PTPRB: variants seen among roughly 807,000 people sequenced by gnomAD.
PTPRB encodes protein tyrosine phosphatase receptor type B.
A neutral mutation model predicts 238.1 loss-of-function variants in PTPRB; 97 were observed. The ratio of observed to expected loss-of-function variants is 0.41; its 90% CI spans 0.35 to 0.48. PTPRB has a LOEUF of 0.48. Ranked by LOEUF, PTPRB falls within the 20% of genes least tolerant of loss-of-function variation. PTPRB has a pLI of 0.30. For synonymous variants in PTPRB, 970 were observed against 995.4 expected (o/e 0.97, Z 0.48); for missense variants, 2,292 against 2,681.9 (o/e 0.85, Z 3.21).
intron 23 of PTPRB, 96 bp from the exon 24 acceptor site, chr12:70,540,118 A>G: frequency 9.3e-7 from 1 of 1,079,748 alleles, no homozygotes; most frequent in Non-Finnish European, 1.3e-6. Flanking sequence ...TTGTGCAAAT[A>G]TGGATTTTTC....
chr12:70,571,927 G>C lies in PTPRB; in HGVS notation c.3003C>G (p.Asn1001Lys). 6.2e-7 allele frequency: 1 copy of C among 1,613,890 alleles called. No individual in the cohort carries two copies. The highest frequency in any genetic ancestry group is 1.1e-5 in the South Asian group (1 of 91,084). ...GGACTAGCTGAACAAATACACATTCGTTTTCTGACTTGGGAATGCTTTTAG... is the reference window on the plus strand; with the variant it reads ...GGACTAGCTGAACAAATACACATTCCTTTTCTGACTTGGGAATGCTTTTAG... ...IQTKSIPKSE[N>K]ECVFVQLVPG... The change falls in exon 12 of 34, where the codon AAC becomes AAG. Residue 1001 changes from asparagine to lysine, a missense_variant. Asn to Lys is a moderately conservative substitution (Grantham distance 94). Transcript: ENST00000334414.
chr12:70,557,097 A>G (rs1713058927), intron 18 of PTPRB, among the ~76,000 whole-genome samples: 1 of 152,226 alleles, frequency 6.6e-6, no homozygotes, highest in Non-Finnish European at 1.5e-5. Flanking sequence ...AGCAGGAGTT[A>G]GTAAAAGCTG....
At position 70,553,029 on chromosome 12, in the gene PTPRB, G is replaced by GA. The variant is rs1237294460; in HGVS notation, c.5144-10dup. The GA allele has an allele frequency of 6.2e-7, 1 of 1,612,078 alleles. No homozygotes were observed. Among genetic ancestry groups the GA allele is most frequent in the South Asian group, 1.1e-5 (1 of 90,904 alleles). On this transcript the variant is annotated splice_polypyrimidine_tract_variant and intron_variant, in intron 20 of 33. Coordinates refer to ENST00000334414, the MANE Select transcript of PTPRB (RefSeq NM_001109754.4). ...CTTCAGCTCATCACTGCCTGGAGGA[G>GA]AAAACCCACAGTTAAGGACTGCCTT...
chr12:70,525,097 T>G (rs1872232041), intron 32 of PTPRB, among the ~76,000 whole-genome samples: 1 of 152,000 alleles, frequency 6.6e-6, no homozygotes, highest in South Asian at 2.1e-4. Flanking sequence ...CCTATGTAGC[T>G]TACGTAAATT....
chr12:70,622,115 T>C (rs1884966742), intron 3 of PTPRB, among the ~76,000 whole-genome samples: 1 of 152,230 alleles, frequency 6.6e-6, no homozygotes, highest in Admixed American at 6.5e-5. Context: ...TGTAACACCA[T>C]GAACCCTGAC....
At chr12:70,525,819 G>A (rs930689050) in intron 32 of PTPRB, among the ~76,000 whole-genome samples, 12 of 152,234 alleles carry the variant, frequency 7.9e-5, no homozygotes, top group Admixed American at 3.9e-4. Context: ...CCTCCAGCCA[G>A]GCCAGGCTGA....
At chr12:70,605,129 GCTGA>G (rs1225899594) in intron 4 of PTPRB, among the ~76,000 whole-genome samples, 2 of 151,988 alleles carry the variant, frequency 1.3e-5, no homozygotes, top group African/African-American at 4.8e-5. Context: ...ATTTTTCTAG[GCTGA>G]CTAATAAGTA....
At chr12:70,527,580 T>C (rs192145119) in intron 32 of PTPRB, 56 of 152,308 alleles carry the variant, frequency 3.7e-4, no homozygotes, top group African/African-American at 1.3e-3. Flanking sequence ...GCTCCCTTAA[T>C]GTGTCTCTCA....
At chr12:70,532,230 A>T (rs568513042) in intron 31 of PTPRB, 60 bp from the exon 32 acceptor site, 10 of 1,496,010 alleles carry the variant, frequency 6.7e-6, no homozygotes, top group African/African-American at 1.4e-5. Context: ...TCAAGATTGC[A>T]TCTAGAGACT....
intron 23 of PTPRB, 135 bp downstream of exon 23, chr12:70,540,723 T>C: frequency 2.9e-6 from 2 of 688,296 alleles, no homozygotes; most frequent in Non-Finnish European, 4.9e-6. Flanking sequence ...TTGACTTGTT[T>C]TTATTGAGAA....
chr12:70,601,601 C>T (rs755815670), intron 4 of PTPRB, among the ~76,000 whole-genome samples: 1 of 152,024 alleles, frequency 6.6e-6, no homozygotes, highest in Non-Finnish European at 1.5e-5. Flanking sequence ...ATGGAGTAAA[C>T]ATCCACTATT....
At position 70,632,392 on chromosome 12, in the gene PTPRB, C is replaced by T. The variant is rs565826005; in HGVS notation, c.451+3279G>A. 1.4e-4 allele frequency among the ~76,000 whole-genome samples: 21 copies of T among 151,806 alleles called. No individual in the cohort carries two copies. The East Asian group carries it at 3.7e-3, about 27-fold the overall frequency. ...AAATTGAACAACGAGAACACTTGGA[C>T]ACAGGGCAGGAGACATCACACACTG... On this transcript the variant is annotated intron_variant, in intron 2 of 33. Coordinates refer to ENST00000334414, the MANE Select transcript of PTPRB (RefSeq NM_001109754.4).
At chr12:70,535,977 C>T in intron 29 of PTPRB, 48 bp downstream of exon 29, 1 of 1,605,060 alleles carries the variant, frequency 6.2e-7, no homozygotes. Context: ...GAATTCTATC[C>T]AGGTGGCAGA....
intron 4 of PTPRB, among the ~76,000 whole-genome samples, chr12:70,603,278 G>C (rs1262772645): frequency 1.3e-5 from 2 of 152,012 alleles, no homozygotes; most frequent in Non-Finnish European, 2.9e-5. Flanking sequence ...AAATACTGAA[G>C]TCATCACCAA....
intron 8 of PTPRB, among the ~76,000 whole-genome samples, chr12:70,588,965 T>C (rs777263856): frequency 7.2e-5 from 11 of 152,042 alleles, no homozygotes; most frequent in Non-Finnish European, 1.2e-4. Context: ...TCTCAAAATG[T>C]AAAAATAATA....
rs531073148 is a variant in PTPRB at position 70,521,119 on chromosome 12, A to C, written c.*370T>G. The C allele has an allele frequency of 5.7e-6, 1 of 176,248 alleles. No homozygotes were observed. The allele number at this position is 176,248 out of a possible 1,614,324, so 10.9% of individuals were successfully genotyped here. ...GTCCAGTGAATATCAAAACAGGTAG[A>C]AAACATGGCCTGAAGGATTGTCTCT... On this transcript the variant is annotated 3_prime_UTR_variant, in exon 34 of 34. Transcript: ENST00000334414.
intron 15 of PTPRB, among the ~76,000 whole-genome samples, chr12:70,565,782 A>C (rs1018328379): frequency 1.2e-4 from 19 of 152,204 alleles, no homozygotes; most frequent in Non-Finnish European, 2.5e-4. Flanking sequence ...TAACCCCCAG[A>C]ACCTGTGAAT....
chr12:70,626,369 T>TTCCTGCCTG (rs1885198395), intron 2 of PTPRB, among the ~76,000 whole-genome samples: 1 of 124,434 alleles, frequency 8.0e-6, no homozygotes, highest in African/African-American at 3.3e-5. Flanking sequence ...CTATCTATAT[T>TTCCTGCCTG]CCTGCCTGCC....
chr12:70,556,724 C>A (rs1877735173), intron 18 of PTPRB, among the ~76,000 whole-genome samples: 1 of 152,116 alleles, frequency 6.6e-6, no homozygotes, highest in Non-Finnish European at 1.5e-5. Flanking sequence ...CGTTTTCACA[C>A]TACAGAAAAT....
Sources: allele counts gnomAD v4.1 joint callset (sites outside exome capture counted in the v4.1 genomes callset), GRCh38; gene constraint gnomAD v4.1.1; transcripts MANE v1.5; gene names NCBI Gene and HGNC (gene_info 2026-07-23, HGNC 2026-07-21).